Variants in DPYD observed in about 807,000 individuals in gnomAD.
DPYD encodes the protein dihydropyrimidine dehydrogenase [NADP(+)].
A neutral mutation model predicts 116.2 loss-of-function variants in DPYD; 109 were observed. That is an observed-to-expected ratio of 0.94 (90% CI 0.80 to 1.10). The LOEUF (loss-of-function observed/expected upper bound fraction) is 1.10, where lower values mean the gene tolerates loss of function less well. Ranked by LOEUF, DPYD falls within the 50% of genes least tolerant of loss-of-function variation. The pLI is 0.00. For synonymous variants in DPYD, 440 were observed against 432.0 expected (o/e 1.02, Z -0.23); for missense variants, 1,302 against 1,254.5 (o/e 1.04, Z -0.57).
intron 18 of DPYD, among the ~76,000 whole-genome samples, chr1:97,237,014 T>A (rs935896149): frequency 2.0e-5 from 3 of 151,754 alleles, no homozygotes; most frequent in Non-Finnish European, 2.9e-5. Context: ...GTCAGAAGTT[T>A]GAGACCAGCC....
intron 3 of DPYD, among the ~76,000 whole-genome samples, chr1:97,756,549 A>G (rs1332936096): frequency 2.6e-5 from 4 of 152,314 alleles, no homozygotes; most frequent in Middle Eastern, 3.4e-3. Context: ...TTAAAATAAT[A>G]TTACAGAAAT....
At chr1:97,306,072 CA>C in intron 17 of DPYD, 104 bp downstream of exon 17, 2 of 1,580,842 alleles carry the variant, frequency 1.3e-6, no homozygotes. Context: ...AAAATTGAGA[CA>C]AAAAATATGC....
chr1:97,161,133 A>G (rs910111942), intron 20 of DPYD, among the ~76,000 whole-genome samples: 8 of 152,138 alleles, frequency 5.3e-5, no homozygotes, highest in Non-Finnish European at 1.5e-5. Context: ...TTTAGAAACA[A>G]CAGCAGATTA....
At chr1:97,680,513 TG>T (rs1439308452) in intron 7 of DPYD, among the ~76,000 whole-genome samples, 2 of 152,172 alleles carry the variant, frequency 1.3e-5, no homozygotes, top group Non-Finnish European at 2.9e-5. Flanking sequence ...GCCATTGATT[TG>T]GCAAATGCAT....
chr1:97,909,782 A>G (rs1368334315), intron 1 of DPYD, among the ~76,000 whole-genome samples: 29 of 152,086 alleles, frequency 1.9e-4, no homozygotes, highest in Admixed American at 1.9e-3. Context: ...ACTTTAAATA[A>G]CATCTTTATG....
rs370677727 is a variant in DPYD, at chr1:97,896,355, A to G, written c.40-12981T>C. 3.4e-4 allele frequency among the ~76,000 whole-genome samples: 51 copies of G among 151,908 alleles called. 1 individual carries two copies. The highest frequency in any genetic ancestry group is 1.2e-3 in the African/African-American group (50 of 41,522). Reference sequence around the variant, plus strand: ...CTCCAATTTAAAGTGAAAAAGAGAAACATTCAGCTACCCACTGAGTCTTCA... The same window carrying G: ...CTCCAATTTAAAGTGAAAAAGAGAAGCATTCAGCTACCCACTGAGTCTTCA... On this transcript the variant is annotated intron_variant, in intron 1 of 22. Transcript: ENST00000370192.
chr1:97,453,484 ATAAC>A (rs1429746167), intron 13 of DPYD, among the ~76,000 whole-genome samples: 2 of 152,140 alleles, frequency 1.3e-5, no homozygotes, highest in African/African-American at 2.4e-5. Flanking sequence ...AATTTCACCT[ATAAC>A]TAATAAGGAA....
chr1:97,079,018 T>C lies in DPYD; in HGVS notation c.3036A>G (p.Glu1012=). The C allele has an allele frequency of 6.2e-7, 1 of 1,613,726 alleles. No homozygotes were observed. The highest frequency in any genetic ancestry group is 1.1e-5 in the South Asian group (1 of 91,076). The part of the protein sequence containing the change: ...IKMVSRTTPY[E]PKRGVPLSVN... ...CAGATAAGGGTACGCCTCTCTTTGG[T>C]TCATAAGGTGTTGTCCTGGAAACCA... The change falls in exon 23 of 23, where the codon GAA becomes GAG. Residue 1012 remains glutamate (E), a synonymous_variant. Coordinates refer to ENST00000370192, the MANE Select transcript of DPYD (RefSeq NM_000110.4).
intron 10 of DPYD, among the ~76,000 whole-genome samples, chr1:97,592,533 AT>A (rs1175695473): frequency 1.3e-5 from 2 of 151,838 alleles, no homozygotes; most frequent in East Asian, 3.9e-4. Flanking sequence ...CGCCCGGCTA[AT>A]TTTTTTGTAT....
At chr1:97,730,878 G>T (rs186837968) in intron 4 of DPYD, among the ~76,000 whole-genome samples, 1 of 151,128 alleles carries the variant, frequency 6.6e-6, no homozygotes, top group East Asian at 1.9e-4. Context: ...GTCATCATTA[G>T]AGTTGAAAAA....
intron 15 of DPYD, among the ~76,000 whole-genome samples, chr1:97,375,440 C>T (rs946969474): frequency 6.6e-6 from 1 of 152,142 alleles, no homozygotes; most frequent in African/African-American, 2.4e-5. Context: ...GCTTTTTCTT[C>T]TGCACATTTG....
chr1:97,915,076 G>A (rs1365558750), intron 1 of DPYD, among the ~76,000 whole-genome samples: 19 of 152,124 alleles, frequency 1.2e-4, no homozygotes, highest in Admixed American at 1.2e-3. Flanking sequence ...GACAAATGCT[G>A]TCTGAAGCAT....
At chr1:97,147,131 T>C (rs1280609438) in intron 20 of DPYD, among the ~76,000 whole-genome samples, 1 of 152,110 alleles carries the variant, frequency 6.6e-6, no homozygotes, top group Non-Finnish European at 1.5e-5. Context: ...CAGTGGACCA[T>C]GAGGTCAAGA....
At chr1:97,298,249 T>C (rs1373958325) in intron 18 of DPYD, among the ~76,000 whole-genome samples, 1 of 152,274 alleles carries the variant, frequency 6.6e-6, no homozygotes, top group Admixed American at 6.5e-5. Context: ...AAGCATCATC[T>C]GGAACTTGTT....
chr1:97,786,815 C>A (rs924877763), intron 3 of DPYD, among the ~76,000 whole-genome samples: 1 of 151,984 alleles, frequency 6.6e-6, no homozygotes, highest in African/African-American at 2.4e-5. Flanking sequence ...CAAAAATTTG[C>A]AAAGGGAAAG....
chr1:97,771,976 A>G (rs924082900), intron 3 of DPYD, among the ~76,000 whole-genome samples: 1 of 152,192 alleles, frequency 6.6e-6, no homozygotes, highest in African/African-American at 2.4e-5. Flanking sequence ...TATAAAATTT[A>G]GTAAGTAGAA....
In DPYD at chr1:97,573,927, A is replaced by G. The variant is rs1325769046; in HGVS notation, c.1172T>C (p.Leu391Pro). Reference protein sequence around the residue: ...KEEKCEFLPFLSPRKVIVKGG... With the variant: ...KEEKCEFLPFPSPRKVIVKGG... ...TTTTACTATAACCTTCCGTGGGGAC[A>G]GGAATGGCAGAAATTCACACTTTTC... The change falls in exon 11 of 23, where the codon CTG becomes CCG. Residue 391 changes from leucine to proline, a missense_variant. Physicochemically the swap from Leu to Pro is moderately conservative, Grantham distance 98 (BLOSUM62 -3). Transcript: ENST00000370192. 6.2e-7 allele frequency: 1 copy of G among 1,613,704 alleles called. No homozygotes were observed. Among genetic ancestry groups the G allele is most frequent in the South Asian group, 1.1e-5 (1 of 91,082 alleles).
chr1:97,557,188 C>G (rs1651795685), intron 11 of DPYD, among the ~76,000 whole-genome samples: 1 of 151,470 alleles, frequency 6.6e-6, no homozygotes, highest in South Asian at 2.1e-4. Flanking sequence ...CCTTCGCCCA[C>G]TTTTTGATGG....
chr1:97,870,831 T>C (rs900433602), intron 2 of DPYD, among the ~76,000 whole-genome samples: 1 of 151,848 alleles, frequency 6.6e-6, no homozygotes. Flanking sequence ...AGGACTGTGA[T>C]TAAAAACGCT....
Sources: allele counts gnomAD v4.1 joint callset (sites outside exome capture counted in the v4.1 genomes callset), GRCh38; gene constraint gnomAD v4.1.1; transcripts MANE v1.5; gene names NCBI Gene and HGNC (gene_info 2026-07-23, HGNC 2026-07-21).